Variants in KCNH1 observed in about 807,000 individuals in gnomAD.
KCNH1 encodes the protein potassium voltage-gated channel subfamily H member 1.
KCNH1 carries 27 observed loss-of-function variants against 69.2 expected under a neutral mutation model. That is an observed-to-expected ratio of 0.39 (90% CI 0.29 to 0.54). The LOEUF (loss-of-function observed/expected upper bound fraction) is 0.54. Ranked by LOEUF, KCNH1 falls within the 20% of genes least tolerant of loss-of-function variation. The probability of loss-of-function intolerance (pLI) is 0.68; values close to 1 mark genes in which losing one functional copy is unlikely to be tolerated. For synonymous variants in KCNH1, 456 were observed against 487.7 expected (o/e 0.93, Z 0.86); for missense variants, 798 against 1,261.6 (o/e 0.63, Z 5.57).
At chr1:210,935,848 TGTA>T (rs1687767279) in intron 6 of KCNH1, among the ~76,000 whole-genome samples, 1 of 152,220 alleles carries the variant, frequency 6.6e-6, no homozygotes, top group Non-Finnish European at 1.5e-5. Context: ...TAAACTCTGT[TGTA>T]GTTATACTGA....
chr1:210,766,521 G>A (rs1683637033), intron 10 of KCNH1, among the ~76,000 whole-genome samples: 1 of 152,010 alleles, frequency 6.6e-6, no homozygotes. Flanking sequence ...TTGAGGGGGG[G>A]TGGGGAGTTA....
At chr1:210,920,154 A>C in intron 6 of KCNH1, 85 bp from the exon 7 acceptor site, 1 of 1,216,410 alleles carries the variant, frequency 8.2e-7, no homozygotes, top group Non-Finnish European at 1.2e-6. Flanking sequence ...CCATTATTTT[A>C]AGCATAGTGT....
chr1:210,756,964 A>G (rs1339039429), intron 10 of KCNH1, among the ~76,000 whole-genome samples: 1 of 152,194 alleles, frequency 6.6e-6, no homozygotes, highest in Non-Finnish European at 1.5e-5. Flanking sequence ...CTGATTAGCA[A>G]TTCAGATTCA....
At chr1:211,053,279 G>A (rs1158338170) in intron 5 of KCNH1, among the ~76,000 whole-genome samples, 1 of 152,194 alleles carries the variant, frequency 6.6e-6, no homozygotes, top group African/African-American at 2.4e-5. Flanking sequence ...TCAGGCAGTA[G>A]AGTAGACTAA....
chr1:210,962,445 T>C (rs1688312640), intron 6 of KCNH1, among the ~76,000 whole-genome samples: 1 of 152,202 alleles, frequency 6.6e-6, no homozygotes, highest in African/African-American at 2.4e-5. Context: ...AATGTACAGA[T>C]CCTTAAATAA....
intron 10 of KCNH1, among the ~76,000 whole-genome samples, chr1:210,751,178 A>G (rs1281759898): frequency 6.6e-6 from 1 of 152,108 alleles, no homozygotes; most frequent in African/African-American, 2.4e-5. Flanking sequence ...GGAAACTGAG[A>G]GGGTCATCTA....
At chr1:210,836,502 A>G (rs1013471000) in intron 7 of KCNH1, among the ~76,000 whole-genome samples, 1 of 152,212 alleles carries the variant, frequency 6.6e-6, no homozygotes, top group Admixed American at 6.5e-5. Flanking sequence ...TTTACTATAG[A>G]GCAAAATGAT....
At chr1:210,977,707 T>A (rs576724874) in intron 6 of KCNH1, among the ~76,000 whole-genome samples, 1 of 152,302 alleles carries the variant, frequency 6.6e-6, no homozygotes, top group South Asian at 2.1e-4. Context: ...ACCCAATGTT[T>A]TACATAGTTA....
chr1:210,862,407 C>T, intron 7 of KCNH1: 1 of 573,232 alleles, frequency 1.7e-6, no homozygotes. Context: ...GCAATCTTAA[C>T]TCACTGTAAC....
chr1:210,862,413 G>C, intron 7 of KCNH1: 1 of 559,164 alleles, frequency 1.8e-6, no homozygotes, highest in Non-Finnish European at 3.3e-6. Flanking sequence ...TTAACTCACT[G>C]TAACCTTGAA....
chr1:210,970,469 G>A (rs1026827489), intron 6 of KCNH1, among the ~76,000 whole-genome samples: 1 of 151,972 alleles, frequency 6.6e-6, no homozygotes, highest in Non-Finnish European at 1.5e-5. Context: ...TCCCCGCAAA[G>A]GACATGATAA....
At chr1:211,037,587 C>T (rs1689921100) in intron 5 of KCNH1, among the ~76,000 whole-genome samples, 1 of 147,854 alleles carries the variant, frequency 6.8e-6, no homozygotes, top group Non-Finnish European at 1.5e-5. Context: ...GCCTTCCTGT[C>T]ATCTTATGCA....
At chr1:211,087,639 G>GCA (rs5780626) in intron 4 of KCNH1, among the ~76,000 whole-genome samples, 1,488 of 140,578 alleles carry the variant, frequency 0.011, 17 homozygotes, top group African/African-American at 0.032. Flanking sequence ...ACACACACAC[G>GCA]CACACACACA....
chr1:211,101,871 A>G (rs531635726), intron 3 of KCNH1, among the ~76,000 whole-genome samples: 1 of 152,330 alleles, frequency 6.6e-6, no homozygotes, highest in African/African-American at 2.4e-5. Flanking sequence ...GCTAGAGTAA[A>G]AATTGTATAT....
chr1:211,070,246 G>A (rs911260856), intron 5 of KCNH1, among the ~76,000 whole-genome samples: 4 of 151,420 alleles, frequency 2.6e-5, no homozygotes, highest in Admixed American at 6.6e-5. Context: ...GTGAAACCCC[G>A]TCTCTACTAA....
In KCNH1 at chr1:210,867,660, T is replaced by C. The variant is rs915032461; in HGVS notation, c.1462+51980A>G. Among the ~76,000 whole-genome samples the C allele has an allele frequency of 7.0e-4, 106 of 152,036 alleles. 9 individuals are homozygous for C. The highest frequency in any genetic ancestry group is 4.4e-5 in the Non-Finnish European group (3 of 67,938). On this transcript the variant is annotated intron_variant, in intron 7 of 10. Transcript: ENST00000271751. ...ATTTTTATTACCCCAAAAAGTCCCTTGTGCCCCTCTGTCTCAAAATGCCCA... is the reference window on the plus strand; with the variant it reads ...ATTTTTATTACCCCAAAAAGTCCCTCGTGCCCCTCTGTCTCAAAATGCCCA...
In KCNH1 at chr1:210,683,265, T is replaced by G. The variant is rs947048040; in HGVS notation, c.*16A>C. The G allele has an allele frequency of 7.5e-6, 12 of 1,606,716 alleles. No homozygotes were observed. Among genetic ancestry groups the G allele is most frequent in the Non-Finnish European group, 9.4e-6 (11 of 1,176,452 alleles). ...TTGGAGGTATCTGTCTCTGACTTTT[T>G]TTTTAAATAGACCTCTCAGCTGGCT... On this transcript the variant is annotated 3_prime_UTR_variant, in exon 11 of 11. Coordinates refer to ENST00000271751, the MANE Select transcript of KCNH1 (RefSeq NM_172362.3). This position sits in a 1 kb window ranked among gnomAD's most constrained non-coding sequence, Gnocchi z 5.7.
intron 6 of KCNH1, among the ~76,000 whole-genome samples, chr1:210,925,618 C>T (rs915136470): frequency 6.6e-6 from 1 of 152,180 alleles, no homozygotes; most frequent in Non-Finnish European, 1.5e-5. Context: ...CCCCTACTTC[C>T]CTGGTGACCT....
intron 10 of KCNH1, among the ~76,000 whole-genome samples, chr1:210,716,529 G>T (rs1271456311): frequency 1.3e-5 from 2 of 151,766 alleles, no homozygotes; most frequent in Non-Finnish European, 2.9e-5. Flanking sequence ...TTTGAGGAAT[G>T]ATTTACTACA....
Sources: gnomAD v4.1 joint callset for allele counts (sites outside exome capture counted in the v4.1 genomes callset) on GRCh38, gnomAD v4.1.1 for gene constraint, Gnocchi (gnomAD v3.1) non-coding constraint, MANE v1.5 for transcripts, NCBI Gene and HGNC (gene_info 2026-07-23, HGNC 2026-07-21) for gene names.